Variants in CTNND2 observed in about 807,000 individuals in gnomAD.
CTNND2 encodes catenin delta 2.
A neutral mutation model predicts 144.4 loss-of-function variants in CTNND2; 22 were observed. That is an observed-to-expected ratio of 0.15 (90% CI 0.11 to 0.22). CTNND2 has a LOEUF of 0.22. CTNND2 is among the 10% of genes least tolerant of loss of function. The pLI, the probability that CTNND2 is intolerant of heterozygous loss-of-function variation, is 1.00. For missense variants in CTNND2, 1,353 were observed against 1,618.8 expected (o/e 0.84, Z 2.82); for synonymous variants, 751 against 695.6 (o/e 1.08, Z -1.25).
chr5:11,061,770 G>A (rs759182579), intron 16 of CTNND2, among the ~76,000 whole-genome samples: 1 of 151,926 alleles, frequency 6.6e-6, no homozygotes, highest in Non-Finnish European at 1.5e-5. Context: ...GTACAGTGGT[G>A]CAATCTCGGC....
At chr5:11,510,596 A>G (rs1771541010) in intron 3 of CTNND2, among the ~76,000 whole-genome samples, 1 of 152,224 alleles carries the variant, frequency 6.6e-6, no homozygotes, top group South Asian at 2.1e-4. Flanking sequence ...TACATAAGAA[A>G]CATAATTCAA....
chr5:11,554,438 T>C (rs1168553053), intron 3 of CTNND2, among the ~76,000 whole-genome samples: 2 of 152,192 alleles, frequency 1.3e-5, no homozygotes, highest in Non-Finnish European at 2.9e-5. Flanking sequence ...ATGCATGTGC[T>C]TGGGGAGTAC....
chr5:11,836,346 T>C (rs577617596), intron 1 of CTNND2, among the ~76,000 whole-genome samples: 22 of 152,260 alleles, frequency 1.4e-4, no homozygotes, highest in Admixed American at 8.5e-4. Flanking sequence ...CTGAGAAAAC[T>C]TGAGAATTAG....
At chr5:11,147,660 GA>G (rs3995574) in intron 12 of CTNND2, among the ~76,000 whole-genome samples, 13,044 of 138,848 alleles carry the variant, frequency 0.094, 907 homozygotes, top group East Asian at 0.34. Context: ...TTCAGCAGTT[GA>G]AAAAAAAAAA....
chr5:11,396,047 G>A (rs1346379065), intron 6 of CTNND2, among the ~76,000 whole-genome samples: 2 of 146,066 alleles, frequency 1.4e-5, no homozygotes, highest in African/African-American at 5.6e-5. Flanking sequence ...GGGCTCGGGG[G>A]TTACAGAGCC....
chr5:11,822,051 A>G lies in CTNND2; in HGVS notation c.37+81766T>C, dbSNP rs1375233369. Among the ~76,000 whole-genome samples, 5 of 152,192 alleles carry G rather than the reference A, an allele frequency of 3.3e-5. No homozygotes were observed. In the East Asian group the frequency reaches 9.6e-4, roughly 29 times the overall value. On this transcript the variant is annotated intron_variant, in intron 1 of 21. Transcript: ENST00000304623. ...ACACCCCATCTATGTAGCAATTACT[A>G]TGTAATAGTACTATATTAAGTGGTT...
chr5:11,601,061 C>CTA (rs985560191), intron 2 of CTNND2, among the ~76,000 whole-genome samples: 1 of 151,886 alleles, frequency 6.6e-6, no homozygotes. Context: ...TTTAGTAACA[C>CTA]TATATATATA....
chr5:11,048,238 A>C lies in CTNND2; in HGVS notation c.2789-25259T>G, dbSNP rs576347319. On this transcript the variant is annotated intron_variant, in intron 16 of 21. Coordinates refer to ENST00000304623, the MANE Select transcript of CTNND2 (RefSeq NM_001332.4). ...CTCTGCATCTACTTAGCCATGAACAAATAAAACAGGACCCCACCCAAACCA... is the reference window on the plus strand; with the variant it reads ...CTCTGCATCTACTTAGCCATGAACACATAAAACAGGACCCCACCCAAACCA... 7.2e-5 allele frequency among the ~76,000 whole-genome samples: 11 copies of C among 152,284 alleles called. No homozygotes were observed. In the South Asian group the frequency reaches 2.3e-3, roughly 32 times the overall value.
At position 11,706,574 on chromosome 5, in the gene CTNND2, C is replaced by T. The variant is rs184812797; in HGVS notation, c.174+25562G>A. Among the ~76,000 whole-genome samples, 621 of 152,272 alleles carry T rather than the reference C, an allele frequency of 4.1e-3. 5 individuals are homozygous for T. The highest frequency in any genetic ancestry group is 3.4e-3 in the Non-Finnish European group (228 of 68,022). ...TCACACTAAAGAGTACTCTCTTTCC[C>T]TTAGTTGTCAGCCACCTGCCCTGGC... On this transcript the variant is annotated intron_variant, in intron 2 of 21. Transcript: ENST00000304623.
chr5:11,228,040 T>C (rs954409845), intron 10 of CTNND2, among the ~76,000 whole-genome samples: 3 of 152,028 alleles, frequency 2.0e-5, no homozygotes, highest in Non-Finnish European at 4.4e-5. Flanking sequence ...GCCTAACACA[T>C]GGTATTAGAA....
chr5:11,672,094 G>A (rs1243752016), intron 2 of CTNND2, among the ~76,000 whole-genome samples: 1 of 152,200 alleles, frequency 6.6e-6, no homozygotes, highest in Non-Finnish European at 1.5e-5. Flanking sequence ...CTGTTTGCCT[G>A]GGTATCACCG....
chr5:11,428,817 C>T (rs1328883795), intron 3 of CTNND2, among the ~76,000 whole-genome samples: 4 of 152,124 alleles, frequency 2.6e-5, no homozygotes, highest in South Asian at 2.1e-4. Flanking sequence ...ATCAATCTAC[C>T]GAGTGAATAT....
At chr5:11,304,361 T>C (rs1749950679) in intron 9 of CTNND2, among the ~76,000 whole-genome samples, 1 of 151,752 alleles carries the variant, frequency 6.6e-6, no homozygotes, top group Non-Finnish European at 1.5e-5. Flanking sequence ...CTCTTTTGTA[T>C]ACATTAATGT....
intron 2 of CTNND2, among the ~76,000 whole-genome samples, chr5:11,653,397 G>C (rs1782748366): frequency 6.6e-6 from 1 of 151,920 alleles, no homozygotes; most frequent in African/African-American, 2.4e-5. Flanking sequence ...AGTAACACTT[G>C]TTATCATTTG....
chr5:11,366,919 A>C (rs1197392401), intron 7 of CTNND2, among the ~76,000 whole-genome samples: 1 of 152,246 alleles, frequency 6.6e-6, no homozygotes, highest in Non-Finnish European at 1.5e-5. Flanking sequence ...CATTAGTGGC[A>C]TTAATCAAAT....
At chr5:11,555,750 G>A (rs1776180714) in intron 3 of CTNND2, among the ~76,000 whole-genome samples, 3 of 152,072 alleles carry the variant, frequency 2.0e-5, no homozygotes, top group African/African-American at 7.2e-5. Flanking sequence ...AAGGGGTTAT[G>A]ACAAGAAGAA....
chr5:11,204,340 C>A (rs1355999440), intron 10 of CTNND2, among the ~76,000 whole-genome samples: 3 of 152,048 alleles, frequency 2.0e-5, no homozygotes, highest in Admixed American at 2.0e-4. Context: ...GTTTTCATAC[C>A]CTTTGCCCTA....
chr5:11,662,253 G>GTATATA (rs1450806707), intron 2 of CTNND2, among the ~76,000 whole-genome samples: 34 of 135,678 alleles, frequency 2.5e-4, no homozygotes, highest in African/African-American at 7.9e-4. Context: ...ACATATATGT[G>GTATATA]TGTATATATG....
intron 1 of CTNND2, among the ~76,000 whole-genome samples, chr5:11,744,701 G>A (rs1205609047): frequency 6.7e-6 from 1 of 149,400 alleles, no homozygotes. Flanking sequence ...GTGTGCGTGT[G>A]TGTGTGTGTG....
Sources: gnomAD v4.1 joint callset for allele counts (sites outside exome capture counted in the v4.1 genomes callset) on GRCh38, gnomAD v4.1.1 for gene constraint, MANE v1.5 for transcripts, NCBI Gene and HGNC (gene_info 2026-07-23, HGNC 2026-07-21) for gene names.